The following FRYL variants were observed in gnomAD, a reference collection of about 807,000 sequenced individuals.
The protein encoded by FRYL is FRY like transcription coactivator.
In FRYL, 150 loss-of-function variants were observed where a neutral mutation model predicts 351.2. The ratio of observed to expected loss-of-function variants is 0.43; its 90% confidence interval spans 0.37 to 0.49. FRYL has a LOEUF of 0.49. Among genes scored for constraint, FRYL ranks in the 20% least tolerant of loss-of-function variants. FRYL has a pLI of 0.00. For synonymous variants in FRYL, 1,153 were observed against 1,257.1 expected (o/e 0.92, Z 1.75); for missense variants, 3,036 against 3,619.3 (o/e 0.84, Z 4.13).
intron 35 of FRYL, 39 bp from the exon 36 acceptor site, chr4:48,553,422 G>A: frequency 6.8e-7 from 1 of 1,470,572 alleles, no homozygotes; most frequent in Non-Finnish European, 9.4e-7. Context: ...AAAAAGCAAA[G>A]TTTTTATCTC....
At position 48,658,718 on chromosome 4, in the gene FRYL, C is replaced by T. The variant is rs191002610; in HGVS notation, c.-80-24228G>A. ...GCAGTGAGCCATGAATGCGCCACTG[C>T]ACTCCTGCCTGAGTGACAGTGAGAC... On this transcript the variant is annotated intron_variant, in intron 3 of 63. Transcript: ENST00000358350. Among the ~76,000 whole-genome samples the T allele has an allele frequency of 1.5e-3, 232 of 150,522 alleles. 3 individuals are homozygous for T. The highest frequency in any genetic ancestry group is 0.013 in the South Asian group (61 of 4,694).
chr4:48,561,547 A>G lies in FRYL; in HGVS notation c.3786T>C (p.His1262=). ...ACTGATAATATGAAACAGAATAGAG[A>G]TGTGGTAGAGGAGACAGCTGGCTGA... is the stretch of plus-strand genomic sequence containing the variant. ...GVLSQLSPLP[H]LYSVSYYQLS... The change falls in exon 33 of 64, where the codon CAT becomes CAC. Residue 1262 remains histidine (H), a synonymous_variant. Coordinates refer to ENST00000358350, the MANE Select transcript of FRYL (RefSeq NM_015030.2). 6.2e-7 allele frequency: 1 copy of G among 1,612,766 alleles called. No homozygotes were observed. The highest frequency in any genetic ancestry group is 8.5e-7 in the Non-Finnish European group (1 of 1,179,064).
intron 4 of FRYL, among the ~76,000 whole-genome samples, chr4:48,626,014 T>C (rs1448509532): frequency 3.3e-5 from 5 of 152,118 alleles, no homozygotes; most frequent in Non-Finnish European, 2.9e-5. Flanking sequence ...ACAGATGACA[T>C]GTTCTCATCC....
intron 2 of FRYL, among the ~76,000 whole-genome samples, chr4:48,686,676 C>A (rs1765179412): frequency 6.6e-6 from 1 of 152,226 alleles, no homozygotes; most frequent in Non-Finnish European, 1.5e-5. Context: ...CAGCAAAAAT[C>A]CTACCTAGGA....
intron 3 of FRYL, among the ~76,000 whole-genome samples, chr4:48,656,430 AATC>A (rs1439045186): frequency 1.0e-5 from 1 of 99,902 alleles, no homozygotes; most frequent in Non-Finnish European, 2.1e-5. Flanking sequence ...TATAATGTAT[AATC>A]ATGTGTGTAT....
At chr4:48,518,797 G>A (rs1169824200) in intron 55 of FRYL, among the ~76,000 whole-genome samples, 1 of 152,252 alleles carries the variant, frequency 6.6e-6, no homozygotes. Context: ...TCCTTCACTC[G>A]AGTCCACATT....
chr4:48,507,781 C>T lies in FRYL; in HGVS notation c.8395-2166G>A, dbSNP rs1485130905. Among the ~76,000 whole-genome samples, 3 of 152,220 alleles carry T rather than the reference C, an allele frequency of 2.0e-5. No individual in the cohort carries two copies. In the East Asian group the frequency reaches 5.8e-4, roughly 29 times the overall value. On this transcript the variant is annotated intron_variant, in intron 59 of 63. Transcript: ENST00000358350. Reference sequence around the variant, plus strand: ...CAATATCCTGGAGAAAAGAGAACTGCAGAGAAGTGACCCCAATAGTCTCTG... The same window carrying T: ...CAATATCCTGGAGAAAAGAGAACTGTAGAGAAGTGACCCCAATAGTCTCTG...
chr4:48,660,987 G>GAAA (rs1760592237), intron 3 of FRYL, among the ~76,000 whole-genome samples: 1 of 152,086 alleles, frequency 6.6e-6, no homozygotes, highest in African/African-American at 2.4e-5. Context: ...TCTTGAAGCA[G>GAAA]AAAAAGGACA....
chr4:48,641,433 G>A (rs2149394552), intron 3 of FRYL, among the ~76,000 whole-genome samples: 1 of 152,100 alleles, frequency 6.6e-6, no homozygotes, highest in Non-Finnish European at 1.5e-5. Flanking sequence ...GTAATATGCT[G>A]GTAAATGGCT....
At chr4:48,565,250 GATA>G (rs889068410) in intron 29 of FRYL, among the ~76,000 whole-genome samples, 59 of 147,850 alleles carry the variant, frequency 4.0e-4, no homozygotes, top group African/African-American at 1.4e-3. Flanking sequence ...TGGAAGGGAA[GATA>G]AAAAGACCAA....
At chr4:48,508,051 G>T (rs1199678933) in intron 59 of FRYL, among the ~76,000 whole-genome samples, 1 of 152,156 alleles carries the variant, frequency 6.6e-6, no homozygotes, top group Admixed American at 6.5e-5. Flanking sequence ...AATATTTTAG[G>T]CTTTGCAAAA....
intron 1 of FRYL, among the ~76,000 whole-genome samples, chr4:48,719,473 T>C (rs73815322): frequency 1.3e-4 from 19 of 151,870 alleles, no homozygotes; most frequent in African/African-American, 4.6e-4. Context: ...AAACCATTAT[T>C]AGTATCAAGT....
chr4:48,652,229 C>A (rs1713723950), intron 3 of FRYL, among the ~76,000 whole-genome samples: 1 of 152,200 alleles, frequency 6.6e-6, no homozygotes, highest in African/African-American at 2.4e-5. Context: ...TCTTACAAGA[C>A]AAGCTGCTGT....
At chr4:48,772,046 A>G (rs1333649658) in intron 1 of FRYL, among the ~76,000 whole-genome samples, 1 of 152,220 alleles carries the variant, frequency 6.6e-6, no homozygotes, top group Non-Finnish European at 1.5e-5. Flanking sequence ...TCCTTTTGCA[A>G]ATAAATTGTT....
chr4:48,524,535 GT>G (rs1725585960), intron 53 of FRYL, among the ~76,000 whole-genome samples: 1 of 152,154 alleles, frequency 6.6e-6, no homozygotes, highest in African/African-American at 2.4e-5. Flanking sequence ...GGTTAAGTTT[GT>G]TTTGTAGCAA....
intron 35 of FRYL, 29 bp from the exon 36 acceptor site, chr4:48,553,412 A>G (rs764961663): frequency 4.5e-6 from 7 of 1,561,128 alleles, no homozygotes; most frequent in Middle Eastern, 2.3e-4. Flanking sequence ...TTCAGAAAAG[A>G]AAAAGCAAAG....
At chr4:48,695,163 A>AC (rs1766035289) in intron 2 of FRYL, among the ~76,000 whole-genome samples, 1 of 152,164 alleles carries the variant, frequency 6.6e-6, no homozygotes, top group Non-Finnish European at 1.5e-5. Flanking sequence ...GTTTAAACAT[A>AC]CCCCTAAGAG....
At chr4:48,627,364 T>C (rs1399002736) in intron 4 of FRYL, among the ~76,000 whole-genome samples, 1 of 152,160 alleles carries the variant, frequency 6.6e-6, no homozygotes, top group Non-Finnish European at 1.5e-5. Flanking sequence ...TCAAGTAGTT[T>C]TTTACTCATG....
At chr4:48,718,317 GA>G (rs1374445553) in intron 1 of FRYL, among the ~76,000 whole-genome samples, 1 of 151,532 alleles carries the variant, frequency 6.6e-6, no homozygotes, top group Non-Finnish European at 1.5e-5. Context: ...ACATTTTAAA[GA>G]AAATGTCTTG....
Sources: gnomAD v4.1 joint callset for allele counts (sites outside exome capture counted in the v4.1 genomes callset) on GRCh38, gnomAD v4.1.1 for gene constraint, MANE v1.5 for transcripts, NCBI Gene and HGNC (gene_info 2026-07-23, HGNC 2026-07-21) for gene names.